The following GLYR1 variants were observed in gnomAD, a reference collection of about 807,000 sequenced individuals.
The protein encoded by GLYR1 is cytokine-like nuclear factor N-PAC.
GLYR1 carries 21 observed loss-of-function variants against 72.7 expected under a neutral mutation model. The ratio of observed to expected loss-of-function variants is 0.29; its 90% CI spans 0.20 to 0.42. GLYR1 has a LOEUF of 0.42. GLYR1 is among the 10% of genes least tolerant of loss of function. GLYR1 has a pLI of 1.00. For missense variants in GLYR1, 594 were observed against 712.1 expected (o/e 0.83, Z 1.89); for synonymous variants, 392 against 270.2 (o/e 1.45, Z -4.42).
Position 4,811,284 on chromosome 16 carries a change from T to C in GLYR1, c.1473A>G (p.Gln491=), listed in dbSNP as rs2083310012. Residue 491 remains glutamine, a synonymous_variant, in exon 15 of 16, where the codon CAA becomes CAG. Coordinates refer to ENST00000321919, the MANE Select transcript of GLYR1 (RefSeq NM_032569.4). ...FLDQKCQNIL[Q]GNFKPDFYLK... is the part of the protein sequence containing the mutation. ...GGTAGAAATCAGGCTTAAAGTTTCCTTGCAGGATATCTGAGGAGAAAAAGC... is the reference window on the plus strand; with the variant it reads ...GGTAGAAATCAGGCTTAAAGTTTCCCTGCAGGATATCTGAGGAGAAAAAGC... The C allele has an allele frequency of 1.9e-6, 3 of 1,613,918 alleles. No homozygotes were observed. The African/African-American group carries it at 4.0e-5, about 22-fold the overall frequency.
chr16:4,834,494 A>C (rs575285243), intron 3 of GLYR1, among the ~76,000 whole-genome samples: 1 of 149,388 alleles, frequency 6.7e-6, no homozygotes, highest in South Asian at 2.1e-4. Flanking sequence ...ACAGAGTCTC[A>C]TTTTGTCACC....
At chr16:4,841,504 G>T (rs189392712) in intron 3 of GLYR1, among the ~76,000 whole-genome samples, 6 of 148,350 alleles carry the variant, frequency 4.0e-5, no homozygotes, top group African/African-American at 1.5e-4. Flanking sequence ...ATTTAGCAGG[G>T]CATGGTGGCA....
Position 4,821,372 on chromosome 16 carries a change from G to T in GLYR1, c.806+8C>A. On this transcript the variant is annotated splice_region_variant and intron_variant, in intron 9 of 15. Coordinates refer to ENST00000321919, the MANE Select transcript of GLYR1 (RefSeq NM_032569.4). ...AGCCACTGGAGGCCTTTTCATCAAA[G>T]GTCCTACTTTTTGTCTGTGGGTGTG... 5 of 1,612,560 alleles carry T rather than the reference G, an allele frequency of 3.1e-6. No individual in the cohort carries two copies. The highest frequency in any genetic ancestry group is 4.2e-6 in the Non-Finnish European group (5 of 1,179,990).
Position 4,845,608 on chromosome 16 carries a change from C to G in GLYR1, c.76-455G>C, listed in dbSNP as rs1336054745. 2.0e-5 allele frequency among the ~76,000 whole-genome samples: 3 copies of G among 151,916 alleles called. No individual in the cohort carries two copies. The South Asian group carries it at 6.2e-4, about 31-fold the overall frequency. ...CACAGGACATAGTGAAAACAAAGGA[C>G]AACCGAGGCACAGAAAACACCATAT... On this transcript the variant is annotated intron_variant, in intron 2 of 15. Coordinates refer to ENST00000321919, the MANE Select transcript of GLYR1 (RefSeq NM_032569.4).
In GLYR1 at chr16:4,814,521, G is replaced by C. The variant is rs768007389; in HGVS notation, c.1017+16C>G. ...CTGTGACCCGGAGTTGCTGAGGGGAGGGAGGGGGTCCTTACGTCCTTGGCC... is the reference window on the plus strand; with the variant it reads ...CTGTGACCCGGAGTTGCTGAGGGGACGGAGGGGGTCCTTACGTCCTTGGCC... On this transcript the variant is annotated intron_variant, in intron 11 of 15. Transcript: ENST00000321919. The C allele has an allele frequency of 1.9e-6, 3 of 1,602,646 alleles. No individual in the cohort carries two copies. The highest frequency in any genetic ancestry group is 2.6e-6 in the Non-Finnish European group (3 of 1,170,782).
chr16:4,844,560 C>T (rs577803265), intron 3 of GLYR1, among the ~76,000 whole-genome samples: 1 of 152,270 alleles, frequency 6.6e-6, no homozygotes, highest in South Asian at 2.1e-4. Flanking sequence ...TGCTTGAGTC[C>T]AGGAGTTCAA....
chr16:4,841,146 A>T lies in GLYR1; in HGVS notation c.155+3928T>A, dbSNP rs555014076. 2.0e-5 allele frequency among the ~76,000 whole-genome samples: 3 copies of T among 152,272 alleles called. No individual in the cohort carries two copies. In the East Asian group the frequency reaches 5.8e-4, roughly 29 times the overall value. ...CTCCAAAGAACCTTCGTCAGTTAGA[A>T]ATTATATCATCACCACCACCATCCA... is the stretch of plus-strand genomic sequence containing the variant. On this transcript the variant is annotated intron_variant, in intron 3 of 15. Transcript: ENST00000321919.
intron 5 of GLYR1, among the ~76,000 whole-genome samples, chr16:4,825,373 T>G (rs1288637231): frequency 1.3e-5 from 2 of 152,204 alleles, no homozygotes; most frequent in South Asian, 4.1e-4. Flanking sequence ...ACACCAAGCA[T>G]GTGCCTGCCC....
chr16:4,807,582 A>G (rs2083064365), intron 15 of GLYR1, among the ~76,000 whole-genome samples: 1 of 152,198 alleles, frequency 6.6e-6, no homozygotes, highest in South Asian at 2.1e-4. Flanking sequence ...TGAACTCCTA[A>G]CAGTATAGAG....
At chr16:4,810,417 C>G (rs1309982629) in intron 15 of GLYR1, among the ~76,000 whole-genome samples, 1 of 151,024 alleles carries the variant, frequency 6.6e-6, no homozygotes, top group Non-Finnish European at 1.5e-5. Context: ...GGCAGAGGCA[C>G]AAAAATCTAT....
intron 3 of GLYR1, among the ~76,000 whole-genome samples, chr16:4,837,494 A>G (rs370081379): frequency 3.9e-5 from 6 of 152,250 alleles, no homozygotes; most frequent in East Asian, 3.9e-4. Context: ...GCCTATGACT[A>G]ATCTTGAACG....
At chr16:4,821,183 C>A in intron 9 of GLYR1, 197 bp downstream of exon 9, 1 of 625,596 alleles carries the variant, frequency 1.6e-6, no homozygotes, top group East Asian at 2.8e-5. Flanking sequence ...AGCTTATGCC[C>A]AAGGGAGACC....
At chr16:4,817,775 T>C in intron 9 of GLYR1, 78 bp from the exon 10 acceptor site, 2 of 908,908 alleles carry the variant, frequency 2.2e-6, no homozygotes, top group Non-Finnish European at 3.7e-6. Flanking sequence ...AGCACAAGGC[T>C]CGCTCCCTTA....
At chr16:4,827,878 C>A (rs1001258467) in intron 5 of GLYR1, among the ~76,000 whole-genome samples, 1 of 151,736 alleles carries the variant, frequency 6.6e-6, no homozygotes, top group Non-Finnish European at 1.5e-5. Context: ...GCAGCCTGGG[C>A]GACAGCACGA....
chr16:4,813,703 G>A, intron 12 of GLYR1, 34 bp downstream of exon 12: 1 of 1,534,480 alleles, frequency 6.5e-7, no homozygotes, highest in Non-Finnish European at 8.9e-7. Flanking sequence ...TGATAGAAAA[G>A]ATGCTGGAGA....
intron 11 of GLYR1, 146 bp downstream of exon 11, chr16:4,814,391 C>T (rs572320143): frequency 1.5e-6 from 1 of 667,150 alleles, no homozygotes; most frequent in Non-Finnish European, 2.7e-6. Context: ...ATGCAAACAC[C>T]CTTCACAATG....
In GLYR1 at chr16:4,813,757, T is replaced by C. The variant is rs755894607; in HGVS notation, c.1099A>G (p.Thr367Ala). The C allele has an allele frequency of 3.1e-6, 5 of 1,608,938 alleles. No homozygotes were observed. The Admixed American group carries it at 8.4e-5, about 27-fold the overall frequency. ...YVDMSTVDAD[T>A]VTELAQVIVS... ...GCTACCTGGGCCAGCTCAGTGACGG[T>C]GTCAGCGTCCACTGTTGACATGTCC... is the stretch of plus-strand genomic sequence containing the variant. Residue 367 changes from threonine to alanine, a missense_variant, in exon 12 of 16, where the codon ACC (threonine) becomes GCC (alanine). Thr to Ala is a moderately conservative substitution (Grantham distance 58). Transcript: ENST00000321919.
At chr16:4,806,721 G>GTGGTTA (rs1377801294) in intron 15 of GLYR1, among the ~76,000 whole-genome samples, 28 of 151,628 alleles carry the variant, frequency 1.8e-4, no homozygotes, top group Non-Finnish European at 3.5e-4. Context: ...GATTTATACC[G>GTGGTTA]CAATCTGTAG....
chr16:4,821,666 T>C, intron 7 of GLYR1, 69 bp from the exon 8 acceptor site: 1 of 1,453,132 alleles, frequency 6.9e-7, no homozygotes, highest in Non-Finnish European at 9.7e-7. Flanking sequence ...AATAATCCCC[T>C]CAAAGGTTAG....
Sources: gnomAD v4.1 joint callset for allele counts (sites outside exome capture counted in the v4.1 genomes callset) on GRCh38, gnomAD v4.1.1 for gene constraint, MANE v1.5 for transcripts, NCBI Gene and HGNC (gene_info 2026-07-23, HGNC 2026-07-21) for gene names.